TENM3: variants seen among roughly 807,000 people sequenced by gnomAD.
TENM3 encodes the protein teneurin transmembrane protein 3.
In TENM3, 63 loss-of-function variants were observed where a neutral mutation model predicts 255.1. The observed-to-expected ratio is 0.25, with a 90% CI of 0.20 to 0.30. The LOEUF is 0.30. Ranked by LOEUF, TENM3 falls within the 10% of genes least tolerant of loss-of-function variation. The pLI, the probability that TENM3 is intolerant of heterozygous loss-of-function variation, is 1.00. For synonymous variants in TENM3, 1,306 were observed against 1,322.3 expected (o/e 0.99, Z 0.27); for missense variants, 2,929 against 3,461.1 (o/e 0.85, Z 3.86).
At chr4:182,720,324 G>T (rs969663736) in intron 13 of TENM3, among the ~76,000 whole-genome samples, 6 of 151,918 alleles carry the variant, frequency 3.9e-5, no homozygotes, top group African/African-American at 1.5e-4. Flanking sequence ...TAATGAAATG[G>T]CAGGAAACAG....
the TENM3 span, among the ~76,000 whole-genome samples, chr4:181,592,516 GA>G: frequency 6.6e-6 from 1 of 152,106 alleles, no homozygotes; most frequent in African/African-American, 2.4e-5. Flanking sequence ...TTTTCAGAAA[GA>G]AACAAGCCCA....
chr4:181,894,896 C>T, the TENM3 span, among the ~76,000 whole-genome samples: 4 of 152,178 alleles, frequency 2.6e-5, no homozygotes, highest in African/African-American at 7.2e-5. Context: ...AGTGTGCAAA[C>T]GGGGCTGATG....
intron 1 of TENM3, among the ~76,000 whole-genome samples, chr4:182,182,583 A>G (rs773836117): frequency 6.6e-6 from 1 of 152,210 alleles, no homozygotes; most frequent in Non-Finnish European, 1.5e-5. Context: ...TGATCTAATT[A>G]TTCTAAATGA....
intron 3 of TENM3, among the ~76,000 whole-genome samples, chr4:182,570,346 G>A (rs892889021): frequency 2.6e-5 from 4 of 152,118 alleles, no homozygotes; most frequent in Non-Finnish European, 5.9e-5. Flanking sequence ...GGAAAAAAAC[G>A]AAGTAGATTT....
intron 3 of TENM3, among the ~76,000 whole-genome samples, chr4:182,513,811 A>G (rs748787965): frequency 2.2e-4 from 34 of 152,176 alleles, no homozygotes; most frequent in Non-Finnish European, 4.0e-4. Context: ...ATCAACCCAG[A>G]GCGCACACCT....
In TENM3 at chr4:182,719,387, G is replaced by A. The variant is rs183036426; in HGVS notation, c.2368+5154G>A. ...AGGGATTCTCCTGCCTCAGCCTCCC[G>A]AGTAGCTGGGACTATAGGCGCCCAC... is the stretch of plus-strand genomic sequence containing the variant. On this transcript the variant is annotated intron_variant, in intron 13 of 27. Coordinates refer to ENST00000511685, the MANE Select transcript of TENM3 (RefSeq NM_001080477.4). Among the ~76,000 whole-genome samples, 1,087 of 146,924 alleles carry A rather than the reference G, an allele frequency of 7.4e-3. 15 individuals are homozygous for A. Among genetic ancestry groups the A allele is most frequent in the African/African-American group, 0.026 (1,030 of 39,674 alleles).
chr4:182,652,390 G>C (rs1180817212), intron 5 of TENM3, among the ~76,000 whole-genome samples: 1 of 152,130 alleles, frequency 6.6e-6, no homozygotes, highest in Non-Finnish European at 1.5e-5. Context: ...CGGTAACCTG[G>C]AGTCCAGACT....
chr4:182,467,577 C>G (rs897207033), intron 3 of TENM3, among the ~76,000 whole-genome samples: 3 of 152,108 alleles, frequency 2.0e-5, no homozygotes, highest in African/African-American at 7.2e-5. Context: ...AGGAATGATG[C>G]ATGAGATCCT....
intron 19 of TENM3, among the ~76,000 whole-genome samples, chr4:182,747,620 CATTA>C (rs1253770919): frequency 6.6e-6 from 1 of 152,102 alleles, no homozygotes; most frequent in East Asian, 1.9e-4. Flanking sequence ...TTAAAAATTA[CATTA>C]ATTAACTAAT....
chr4:181,846,196 TAA>T, the TENM3 span, among the ~76,000 whole-genome samples: 21 of 152,114 alleles, frequency 1.4e-4, no homozygotes, highest in Non-Finnish European at 2.5e-4. Flanking sequence ...CTAAAATTCA[TAA>T]GTCATTTGGA....
intron 3 of TENM3, among the ~76,000 whole-genome samples, chr4:182,525,214 A>G (rs1374176767): frequency 6.6e-6 from 1 of 152,220 alleles, no homozygotes; most frequent in East Asian, 1.9e-4. Flanking sequence ...CAGGAAATTT[A>G]TGAAAGAATT....
At chr4:181,993,205 C>G in the TENM3 span, among the ~76,000 whole-genome samples, 1 of 152,080 alleles carries the variant, frequency 6.6e-6, no homozygotes, top group Non-Finnish European at 1.5e-5. Context: ...AGCATGCGCA[C>G]AATAGGCTAA....
intron 13 of TENM3, among the ~76,000 whole-genome samples, chr4:182,727,416 A>G (rs1045387488): frequency 6.8e-6 from 1 of 147,198 alleles, no homozygotes; most frequent in African/African-American, 2.5e-5. Context: ...AGATCGTGCC[A>G]CTGCACTCCA....
the TENM3 span, among the ~76,000 whole-genome samples, chr4:181,461,500 A>G: frequency 2.0e-5 from 3 of 152,250 alleles, no homozygotes; most frequent in East Asian, 5.8e-4. Flanking sequence ...ACTCTATTCC[A>G]CATATGTTAA....
At chr4:181,623,438 A>C in the TENM3 span, among the ~76,000 whole-genome samples, 34 of 152,328 alleles carry the variant, frequency 2.2e-4, no homozygotes, top group African/African-American at 8.2e-4. Context: ...AAAATGCTGA[A>C]GTACTAAGGA....
chr4:182,513,950 T>C (rs1737674821), intron 3 of TENM3, among the ~76,000 whole-genome samples: 1 of 152,234 alleles, frequency 6.6e-6, no homozygotes, highest in Non-Finnish European at 1.5e-5. Context: ...CCAATCCTAA[T>C]GCTTTTTACT....
the TENM3 span, among the ~76,000 whole-genome samples, chr4:181,997,455 A>G: frequency 6.6e-6 from 1 of 152,288 alleles, no homozygotes; most frequent in African/African-American, 2.4e-5. Context: ...TCATGAGATC[A>G]TATTGGCCTC....
chr4:182,680,878 T>C (rs1316881701), intron 10 of TENM3, 141 bp downstream of exon 10: 1 of 577,612 alleles, frequency 1.7e-6, no homozygotes. Flanking sequence ...ATGAATGCAT[T>C]GTTTTACTAA....
At chr4:181,876,245 A>G in the TENM3 span, among the ~76,000 whole-genome samples, 1 of 152,206 alleles carries the variant, frequency 6.6e-6, no homozygotes, top group African/African-American at 2.4e-5. Context: ...TTATGCAAAT[A>G]TGTTGTATTT....
Sources: allele counts gnomAD v4.1 joint callset (sites outside exome capture counted in the v4.1 genomes callset), GRCh38; gene constraint gnomAD v4.1.1; transcripts MANE v1.5; gene names NCBI Gene and HGNC (gene_info 2026-07-23, HGNC 2026-07-21).